NBEAL1: variants seen among roughly 807,000 people sequenced by gnomAD.
NBEAL1 encodes neurobeachin-like protein 1.
In NBEAL1, 273 loss-of-function variants were observed where a neutral mutation model predicts 351.3. That is an observed-to-expected ratio of 0.78 (90% CI 0.70 to 0.86). The LOEUF (loss-of-function observed/expected upper bound fraction) is 0.86. NBEAL1 is among the 40% of genes least tolerant of loss of function. NBEAL1 has a pLI of 0.00. For synonymous variants in NBEAL1, 1,050 were observed against 1,086.4 expected, an observed-to-expected ratio of 0.97 and a Z score of 0.66; for missense variants, 2,961 against 3,201.3, an observed-to-expected ratio of 0.92 and a Z score of 1.81.
chr2:203,112,519 T>A (rs1221290555), intron 16 of NBEAL1, among the ~76,000 whole-genome samples: 1 of 152,084 alleles, frequency 6.6e-6, no homozygotes, highest in Non-Finnish European at 1.5e-5. Flanking sequence ...AAAATAGAGT[T>A]TATGTATTGA....
In NBEAL1 at chr2:203,180,382, G is replaced by T. The variant is rs759804274; in HGVS notation, c.6465G>T (p.Arg2155Ser). The T allele has an allele frequency of 1.9e-6, 3 of 1,604,664 alleles. No homozygotes were observed. The highest frequency in any genetic ancestry group is 1.7e-6 in the Non-Finnish European group (2 of 1,177,386). ...CTTCTCTTTTAATTTCTACATGCAGGTTTGACTGTGCAGATCGACAGTTCC... is the reference window on the plus strand; with the variant it reads ...CTTCTCTTTTAATTTCTACATGCAGTTTTGACTGTGCAGATCGACAGTTCC... The part of the protein sequence containing the change: ...TTLHIQLQSG[R>S]FDCADRQFHS... Residue 2155 changes from arginine (R) to serine (S), a missense_variant and splice_region_variant, in exon 43 of 56, where the codon AGG (arginine) becomes AGT (serine). Arg to Ser is a moderately radical substitution (Grantham distance 110). Transcript: ENST00000683969.
chr2:203,186,877 A>G (rs2064911794), intron 44 of NBEAL1, among the ~76,000 whole-genome samples: 1 of 152,138 alleles, frequency 6.6e-6, no homozygotes, highest in Non-Finnish European at 1.5e-5. Flanking sequence ...ACTATGGAAA[A>G]ATGCTCTTAA....
rs1296320270 is a variant in NBEAL1 at position 203,217,316 on chromosome 2, G to T, written c.8134G>T (p.Ala2712Ser). ...GAGCAAGCGGCTCAGCCAGATTTCA[G>T]CTGGAGAAACTGAATATAATACTCA... is the stretch of plus-strand genomic sequence containing the variant. ...GSSKRLSQIS[A>S]GETEYNTQDS... is the part of the protein sequence containing the mutation. The change falls in exon 56 of 56, where the codon GCT (alanine) becomes TCT (serine). Residue 2712 changes from alanine (A) to serine (S), a missense_variant. Transcript: ENST00000683969. 4 of 1,601,460 alleles carry T rather than the reference G, an allele frequency of 2.5e-6. No homozygotes were observed. Among genetic ancestry groups the T allele is most frequent in the Non-Finnish European group, 8.5e-7 (1 of 1,173,744 alleles).
chr2:203,208,053 G>T (rs1371416138), intron 51 of NBEAL1, among the ~76,000 whole-genome samples: 2 of 152,110 alleles, frequency 1.3e-5, no homozygotes, highest in Non-Finnish European at 2.9e-5. Flanking sequence ...AGGCTGAGGC[G>T]GAAGGATTAC....
At chr2:203,168,833 AC>A (rs1374909122) in intron 38 of NBEAL1, among the ~76,000 whole-genome samples, 6 of 145,094 alleles carry the variant, frequency 4.1e-5, no homozygotes, top group African/African-American at 1.3e-4. Flanking sequence ...GGCAGAGGTT[AC>A]AGTGAGCCGA....
chr2:203,175,033 A>G (rs1298507454), intron 41 of NBEAL1, 114 bp from the exon 42 acceptor site: 4 of 897,440 alleles, frequency 4.5e-6, no homozygotes, highest in African/African-American at 1.7e-5. Context: ...AATGAGGCAT[A>G]TGAAGAAGGA....
chr2:203,133,121 A>G lies in NBEAL1; in HGVS notation c.3788A>G (p.Asn1263Ser), dbSNP rs756080733. 22 of 1,504,064 alleles carry G rather than the reference A, an allele frequency of 1.5e-5. No individual in the cohort carries two copies. The Admixed American group carries it at 4.3e-4, about 29-fold the overall frequency. The allele number at this position is 1,504,064 out of a possible 1,614,324, so 93.2% of individuals were successfully genotyped here. A position where few individuals can be genotyped will look rare whatever the true frequency, so the allele number is the denominator to read the frequency against. ...TATATATCTCACAGAGCACATATAA[A>G]TGTTAGAGTGGCCATCTGCAGAAAG... is the stretch of plus-strand genomic sequence containing the variant. ...VVYISHRAHI[N>S]VRVAICRKVL... The change falls in exon 27 of 56, where the codon AAT becomes AGT. Residue 1263 changes from asparagine to serine, a missense_variant. Asn to Ser is a conservative substitution (Grantham distance 46). Coordinates refer to ENST00000683969, the MANE Select transcript of NBEAL1 (RefSeq NM_001378026.1).
intron 7 of NBEAL1, among the ~76,000 whole-genome samples, chr2:203,069,157 G>A (rs1206925133): frequency 1.3e-5 from 2 of 152,118 alleles, no homozygotes; most frequent in African/African-American, 4.8e-5. Flanking sequence ...GACTATAAAA[G>A]GAACACTGTG....
chr2:203,190,051 G>A (rs2065021089), intron 45 of NBEAL1, among the ~76,000 whole-genome samples: 1 of 151,172 alleles, frequency 6.6e-6, no homozygotes, highest in Non-Finnish European at 1.5e-5. Context: ...GAGGAGAATT[G>A]TTTGAACCCA....
At chr2:203,046,005 A>G (rs1375604432) in intron 3 of NBEAL1, among the ~76,000 whole-genome samples, 1 of 152,162 alleles carries the variant, frequency 6.6e-6, no homozygotes, top group Non-Finnish European at 1.5e-5. Context: ...CCCCTGTAAA[A>G]TAGGGCAGTT....
intron 33 of NBEAL1, among the ~76,000 whole-genome samples, chr2:203,146,078 G>A (rs1022990283): frequency 8.0e-5 from 12 of 150,828 alleles, no homozygotes; most frequent in African/African-American, 2.7e-4. Flanking sequence ...CTGACTCCCC[G>A]GACATCAACA....
At chr2:203,017,235 C>G (rs981096904) in intron 2 of NBEAL1, among the ~76,000 whole-genome samples, 1 of 152,176 alleles carries the variant, frequency 6.6e-6, no homozygotes, top group Non-Finnish European at 1.5e-5. Context: ...AGAAACACCC[C>G]TAATGTACTA....
intron 24 of NBEAL1, among the ~76,000 whole-genome samples, chr2:203,128,739 A>G (rs2063004742): frequency 6.6e-6 from 1 of 151,770 alleles, no homozygotes; most frequent in African/African-American, 2.4e-5. Context: ...CTGGGACTAC[A>G]GGCACGCAGC....
rs2065702146 is a variant in NBEAL1, at chr2:203,209,221, C to T, written c.7684C>T (p.Pro2562Ser). 1.9e-6 allele frequency: 3 copies of T among 1,613,620 alleles called. No individual in the cohort carries two copies. The highest frequency in any genetic ancestry group is 1.7e-6 in the Non-Finnish European group (2 of 1,179,602). The change falls in exon 53 of 56, where the codon CCT becomes TCT. Residue 2562 changes from proline (P) to serine (S), a missense_variant. Physicochemically the swap from Pro to Ser is moderately conservative, Grantham distance 74. Transcript: ENST00000683969. ...TCAGTACATGAGGACTTTACGACCA[C>T]CTTGTGAGAGTTCTCTGTTCCTGAC... ...KGQYMRTLRP[P>S]CESSLFLTIP...
chr2:203,098,365 A>G (rs1381861618), intron 11 of NBEAL1, among the ~76,000 whole-genome samples: 1 of 152,116 alleles, frequency 6.6e-6, no homozygotes, highest in Admixed American at 6.5e-5. Flanking sequence ...TTATCATCTA[A>G]TTATTTTTTA....
intron 51 of NBEAL1, among the ~76,000 whole-genome samples, chr2:203,205,654 G>A (rs1046537439): frequency 1.3e-5 from 2 of 152,134 alleles, no homozygotes; most frequent in Non-Finnish European, 2.9e-5. Flanking sequence ...CTTTACTGAT[G>A]TATCTTATTA....
chr2:203,135,343 AG>A (rs1222551848), intron 27 of NBEAL1, among the ~76,000 whole-genome samples: 1 of 152,138 alleles, frequency 6.6e-6, no homozygotes, highest in Non-Finnish European at 1.5e-5. Flanking sequence ...GAACAAATGT[AG>A]GGGGCTCATG....
In NBEAL1 at chr2:203,209,142, T is replaced by C. The variant is rs1374124362; in HGVS notation, c.7624-19T>C. The stretch of plus-strand genomic sequence containing the variant: ...CTTTTCCTTTGTCTTTTTCATTTTC[T>C]GATATATCCTGTGTGTAGGATGGAA... On this transcript the variant is annotated intron_variant, in intron 52 of 55. Transcript: ENST00000683969. 6.4e-7 allele frequency: 1 copy of C among 1,573,116 alleles called. No individual in the cohort carries two copies. Among genetic ancestry groups the C allele is most frequent in the African/African-American group, 1.4e-5 (1 of 73,770 alleles).
At chr2:203,192,176 CT>C (rs2065108954) in intron 46 of NBEAL1, among the ~76,000 whole-genome samples, 1 of 152,170 alleles carries the variant, frequency 6.6e-6, no homozygotes, top group Admixed American at 6.5e-5. Context: ...TGCTTTATCC[CT>C]TACCTTCTGG....
Sources: allele counts gnomAD v4.1 joint callset (sites outside exome capture counted in the v4.1 genomes callset), GRCh38; gene constraint gnomAD v4.1.1; transcripts MANE v1.5; gene names NCBI Gene and HGNC (gene_info 2026-07-23, HGNC 2026-07-21).